Variants in METTL21A observed in about 807,000 individuals in gnomAD.
METTL21A encodes protein N-lysine methyltransferase METTL21A.
In METTL21A, 22 loss-of-function variants were observed where a neutral mutation model predicts 20.9. The observed-to-expected ratio is 1.05, with a 90% CI of 0.75 to 1.50. The LOEUF (loss-of-function observed/expected upper bound fraction) is 1.50. Among genes scored for constraint, METTL21A ranks in the 40% most tolerant of loss-of-function variants. METTL21A has a pLI of 0.00. For missense variants in METTL21A, 271 were observed against 266.8 expected (o/e 1.02, Z -0.11); for synonymous variants, 93 against 102.0 (o/e 0.91, Z 0.53).
At chr2:207,613,197 A>G in exon 4 of METTL21A, 1 of 1,614,086 alleles carries the variant, frequency 6.2e-7, no homozygotes, top group East Asian at 2.2e-5. Flanking sequence ...TGCTAAAAGA[A>G]TCACAGAGTG....
intron 3 of METTL21A, among the ~76,000 whole-genome samples, chr2:207,596,674 C>T (rs1288403434): frequency 6.6e-6 from 1 of 152,200 alleles, no homozygotes; most frequent in Non-Finnish European, 1.5e-5. Context: ...CTCAGGTGAT[C>T]TCCCTGCCTT....
exon 4 of METTL21A, chr2:207,612,749 C>T: frequency 4.1e-6 from 1 of 241,740 alleles, no homozygotes; most frequent in Non-Finnish European, 7.9e-6. Context: ...TTCATATCAT[C>T]AGTGGAAACT....
chr2:207,596,927 G>C, intron 3 of METTL21A: 1 of 1,609,308 alleles, frequency 6.2e-7, no homozygotes. Flanking sequence ...AGCAGCTCGA[G>C]AGTGTCGTAG....
At chr2:207,613,016 A>C in exon 4 of METTL21A, 1 of 1,525,770 alleles carries the variant, frequency 6.6e-7, no homozygotes, top group Admixed American at 2.2e-5. Flanking sequence ...TGACACACTC[A>C]ATGACAACAT....
At chr2:207,596,748 TA>T (rs1302813134) in intron 3 of METTL21A, among the ~76,000 whole-genome samples, 1 of 152,170 alleles carries the variant, frequency 6.6e-6, no homozygotes, top group African/African-American at 2.4e-5. Context: ...AAAATTTTAA[TA>T]TAAGGTAATT....
chr2:207,616,284 G>GTGACTGAGT (rs2089726363), intron 3 of METTL21A, among the ~76,000 whole-genome samples: 1 of 152,198 alleles, frequency 6.6e-6, no homozygotes, highest in African/African-American at 2.4e-5. Context: ...CAATATTGGA[G>GTGACTGAGT]TGACTGAGTC....
intron 3 of METTL21A, among the ~76,000 whole-genome samples, chr2:207,618,628 G>A (rs985140049): frequency 5.9e-5 from 9 of 152,190 alleles, no homozygotes; most frequent in African/African-American, 1.9e-4. Context: ...GCTAGAACCC[G>A]GAGGCGGGGG....
intron 2 of METTL21A, 59 bp from the exon 3 acceptor site, chr2:207,621,976 G>C: frequency 6.8e-7 from 1 of 1,472,024 alleles, no homozygotes; most frequent in East Asian, 2.3e-5. Context: ...GTAGCTGCAG[G>C]GTTTCAGGTC....
downstream of METTL21A, among the ~76,000 whole-genome samples, chr2:207,605,110 T>C (rs528261436): frequency 4.6e-5 from 7 of 152,320 alleles, no homozygotes; most frequent in South Asian, 1.2e-3. Context: ...CTGGGTCATG[T>C]TGAAATCGCA....
At chr2:207,590,391 T>A (rs370453208) in intron 3 of METTL21A, among the ~76,000 whole-genome samples, 4 of 152,014 alleles carry the variant, frequency 2.6e-5, no homozygotes, top group African/African-American at 9.7e-5. Context: ...ATCAATTTTG[T>A]TGATTGTTTT....
chr2:207,617,046 G>A (rs2089854861), intron 3 of METTL21A, among the ~76,000 whole-genome samples: 1 of 152,172 alleles, frequency 6.6e-6, no homozygotes, highest in Non-Finnish European at 1.5e-5. Context: ...AGGAGGGTGA[G>A]ACAGTATTTA....
At chr2:207,592,468 T>C (rs1182313871) in intron 3 of METTL21A, among the ~76,000 whole-genome samples, 4 of 151,966 alleles carry the variant, frequency 2.6e-5, no homozygotes, top group Admixed American at 2.6e-4. Flanking sequence ...AAGAAATCTG[T>C]GTGTATATAA....
chr2:207,614,184 T>C (rs565892324), intron 3 of METTL21A, among the ~76,000 whole-genome samples: 39 of 152,208 alleles, frequency 2.6e-4, no homozygotes, highest in Middle Eastern at 6.8e-3. Flanking sequence ...GAGAAGCCCT[T>C]GAGCCCAGGA....
intron 3 of METTL21A, chr2:207,602,475 T>A (rs557917540): frequency 6.1e-4 from 124 of 203,136 alleles, no homozygotes; most frequent in African/African-American, 2.4e-3. Flanking sequence ...AAATTCACAT[T>A]TGACCTAACA....
downstream of METTL21A, chr2:207,581,629 C>A: frequency 2.5e-6 from 1 of 393,778 alleles, no homozygotes; most frequent in Non-Finnish European, 4.5e-6. Context: ...TAATTTTAAA[C>A]TTACAAAGGA....
chr2:207,603,693 A>G (rs1003863475), intron 3 of METTL21A, among the ~76,000 whole-genome samples: 1 of 152,204 alleles, frequency 6.6e-6, no homozygotes, highest in African/African-American at 2.4e-5. Flanking sequence ...ATGGAGACAT[A>G]CGACCAGCTG....
intron 3 of METTL21A, among the ~76,000 whole-genome samples, chr2:207,619,964 T>C (rs1408035208): frequency 6.6e-6 from 1 of 152,158 alleles, no homozygotes; most frequent in African/African-American, 2.4e-5. Context: ...ACACGACTAG[T>C]AAGAATGAAA....
At chr2:207,584,342 TCCC>T (rs2083434574) in intron 3 of METTL21A, among the ~76,000 whole-genome samples, 1 of 152,162 alleles carries the variant, frequency 6.6e-6, no homozygotes, top group Non-Finnish European at 1.5e-5. Context: ...TTATTGTTTG[TCCC>T]CCAGCTCTAG....
intron 3 of METTL21A, among the ~76,000 whole-genome samples, chr2:207,620,046 A>C (rs981416781): frequency 6.6e-6 from 1 of 152,264 alleles, no homozygotes; most frequent in African/African-American, 2.4e-5. Context: ...ACCAGCCAAG[A>C]AAGTTTTGCA....
Sources: gnomAD v4.1 joint callset for allele counts (sites outside exome capture counted in the v4.1 genomes callset) on GRCh38, gnomAD v4.1.1 for gene constraint, MANE v1.5 for transcripts, NCBI Gene and HGNC (gene_info 2026-07-23, HGNC 2026-07-21) for gene names.